RBM33: variants seen among roughly 807,000 people sequenced by gnomAD.
RBM33 encodes RNA binding motif protein 33, also known as RNA-binding protein 33.
A neutral mutation model predicts 132.6 loss-of-function variants in RBM33; 28 were observed. The observed-to-expected ratio is 0.21, with a 90% CI of 0.16 to 0.29. The LOEUF (loss-of-function observed/expected upper bound fraction) is 0.29, where lower values mean the gene tolerates loss of function less well. Among genes scored for constraint, RBM33 ranks in the 10% least tolerant of loss-of-function variants. The pLI is 1.00. For missense variants in RBM33, 1,291 were observed against 1,518.5 expected, an observed-to-expected ratio of 0.85 and a Z score of 2.49; for synonymous variants, 634 against 593.0, an observed-to-expected ratio of 1.07 and a Z score of -1.01.
chr7:155,753,343 T>C (rs1325810499), intron 14 of RBM33, among the ~76,000 whole-genome samples: 2 of 152,248 alleles, frequency 1.3e-5, no homozygotes, highest in African/African-American at 2.4e-5. Flanking sequence ...TTGTGTTAAG[T>C]GGCAAATCTG....
chr7:155,704,284 A>G (rs1800050542), intron 6 of RBM33, among the ~76,000 whole-genome samples: 1 of 152,138 alleles, frequency 6.6e-6, no homozygotes, highest in Non-Finnish European at 1.5e-5. Flanking sequence ...TTTTTGCTCT[A>G]TCAGGATTGT....
At position 155,665,338 on chromosome 7, in the gene RBM33, G is replaced by A. The variant is rs534073446; in HGVS notation, c.122+85G>A. The A allele has an allele frequency of 1.3e-3, 1,528 of 1,205,802 alleles. 5 individuals are homozygous for A. The highest frequency in any genetic ancestry group is 1.7e-3 in the Non-Finnish European group (1,415 of 816,282). 74.7% of individuals were successfully genotyped at this position (1,205,802 alleles called of 1,614,324 possible). Reference sequence around the variant, plus strand: ...GGCTCCTGAGGGATCTTTACTGAACGCAGCACCTTGACTACCTGGCGCTCT... The same window carrying A: ...GGCTCCTGAGGGATCTTTACTGAACACAGCACCTTGACTACCTGGCGCTCT... On this transcript the variant is annotated intron_variant, in intron 2 of 17. Coordinates refer to ENST00000401878, the MANE Select transcript of RBM33 (RefSeq NM_053043.3).
intron 14 of RBM33, among the ~76,000 whole-genome samples, chr7:155,753,871 A>T (rs1370374316): frequency 6.6e-6 from 1 of 152,250 alleles, no homozygotes; most frequent in Non-Finnish European, 1.5e-5. Flanking sequence ...CCAACAGGCA[A>T]ATAGCAAAAG....
chr7:155,751,552 T>C (rs1457636616), intron 14 of RBM33, among the ~76,000 whole-genome samples: 1 of 152,236 alleles, frequency 6.6e-6, no homozygotes, highest in Admixed American at 6.5e-5. Flanking sequence ...CTTGACCTTT[T>C]GAAAGAGCAG....
intron 13 of RBM33, among the ~76,000 whole-genome samples, chr7:155,742,946 G>T (rs1801398082): frequency 6.6e-6 from 1 of 152,188 alleles, no homozygotes; most frequent in South Asian, 2.1e-4. Flanking sequence ...GAGTTAACTT[G>T]TCCAATAGCA....
chr7:155,656,030 A>T (rs1474755377), intron 1 of RBM33, among the ~76,000 whole-genome samples: 4 of 152,254 alleles, frequency 2.6e-5, no homozygotes, highest in Non-Finnish European at 5.9e-5. Flanking sequence ...TGCTTGGCGG[A>T]TACATTCTTG....
At chr7:155,770,592 A>G (rs1585553371) in intron 16 of RBM33, among the ~76,000 whole-genome samples, 1 of 137,036 alleles carries the variant, frequency 7.3e-6, no homozygotes, top group Non-Finnish European at 1.6e-5. Flanking sequence ...AGCAGCTGAT[A>G]CCTTTTTTTT....
At chr7:155,696,675 A>T (rs1169264835) in intron 5 of RBM33, among the ~76,000 whole-genome samples, 1 of 151,996 alleles carries the variant, frequency 6.6e-6, no homozygotes, top group Non-Finnish European at 1.5e-5. Context: ...TTTATTCCTT[A>T]TTGTGAATTA....
intron 5 of RBM33, among the ~76,000 whole-genome samples, chr7:155,690,973 T>G (rs556874967): frequency 6.6e-6 from 1 of 152,286 alleles, no homozygotes; most frequent in African/African-American, 2.4e-5. Flanking sequence ...GAGGTGTATC[T>G]TTGTGGCATT....
At chr7:155,716,316 G>GTTTTTTTTTTTT (rs59289310) in intron 8 of RBM33, among the ~76,000 whole-genome samples, 3,267 of 101,982 alleles carry the variant, frequency 0.032, 290 homozygotes, top group African/African-American at 0.035. Flanking sequence ...CTTTTCTGCT[G>GTTTTTTTTTTTT]TTTTTTTTTT....
rs2117092340 is a variant in RBM33 at position 155,776,908 on chromosome 7, CGTTGGAGTG to C, written c.*1870_*1878del. ...GTTTATTTGGCTCAGTCCACAGCTG[CGTTGGAGTG>C]GTGACTTTGGTAGCCCTTGAGCTCT... On this transcript the variant is annotated 3_prime_UTR_variant, in exon 18 of 18. Transcript: ENST00000401878. This position sits in a 1 kb window ranked among gnomAD's most constrained non-coding sequence, Gnocchi z 4.0. The C allele has an allele frequency of 6.6e-6, 1 of 152,296 alleles. No individual in the cohort carries two copies. The highest frequency in any genetic ancestry group is 2.1e-4 in the South Asian group (1 of 4,824). 9.4% of individuals were successfully genotyped at this position (152,296 alleles called of 1,614,324 possible).
intron 10 of RBM33, 110 bp from the exon 11 acceptor site, chr7:155,737,950 C>CTG (rs1801183133): frequency 4.0e-6 from 4 of 994,666 alleles, no homozygotes; most frequent in Admixed American, 2.4e-5. Context: ...CATTCATAAC[C>CTG]TGTCAACACT....
chr7:155,733,393 T>C (rs1323358499), intron 9 of RBM33, among the ~76,000 whole-genome samples: 8 of 152,254 alleles, frequency 5.3e-5, no homozygotes, highest in Admixed American at 5.2e-4. Flanking sequence ...TTGGTTTTCT[T>C]GAATATTGAA....
At chr7:155,647,500 GGCTAATTGCA>G (rs1798232810) in intron 1 of RBM33, among the ~76,000 whole-genome samples, 1 of 152,002 alleles carries the variant, frequency 6.6e-6, no homozygotes, top group African/African-American at 2.4e-5. Context: ...GTATAATCAT[GGCTAATTGCA>G]GCCTTGGACT....
intron 7 of RBM33, among the ~76,000 whole-genome samples, chr7:155,709,457 C>T (rs574620465): frequency 1.3e-5 from 2 of 152,288 alleles, no homozygotes; most frequent in East Asian, 3.9e-4. Context: ...CTTGCTGTCA[C>T]CTACTGTTTC....
intron 1 of RBM33, among the ~76,000 whole-genome samples, chr7:155,654,811 C>G (rs1257036735): frequency 6.6e-6 from 1 of 152,150 alleles, no homozygotes; most frequent in African/African-American, 2.4e-5. Context: ...CTTAATACTT[C>G]ATTAAAAATT....
Position 155,724,988 on chromosome 7 carries a change from G to GTTTT in RBM33, c.1260+6548_1260+6549insTTTT, listed in dbSNP as rs148975210. ...AGTTGCTGTAAACATTTGTGTACAG[G>GTTTT]TTTGTGTGTGTGTGTGTGTGTGTGT... On this transcript the variant is annotated intron_variant, in intron 9 of 17. Transcript: ENST00000401878. Among the ~76,000 whole-genome samples the GTTTT allele has an allele frequency of 3.5e-3, 405 of 117,214 alleles. 8 individuals carry two copies. Among genetic ancestry groups the GTTTT allele is most frequent in the African/African-American group, 0.016 (390 of 24,274 alleles). The allele number at this position is 117,214 out of a possible 152,430, so 76.9% of individuals were successfully genotyped here.
At chr7:155,699,991 C>T (rs1799912277) in intron 5 of RBM33, among the ~76,000 whole-genome samples, 1 of 152,152 alleles carries the variant, frequency 6.6e-6, no homozygotes. Context: ...AGAGACTGAT[C>T]TGAGGTGAGA....
Position 155,775,237 on chromosome 7 carries a change from T to C in RBM33, c.*196T>C. 4.3e-6 allele frequency: 3 copies of C among 692,504 alleles called. No individual in the cohort carries two copies. The highest frequency in any genetic ancestry group is 2.7e-5 in the East Asian group (1 of 36,868). The allele number at this position is 692,504 out of a possible 1,614,324, so 42.9% of individuals were successfully genotyped here. A position where few individuals can be genotyped will look rare whatever the true frequency, so the allele number is the denominator to read the frequency against. ...ACTGACAGGACACAGCAGGCTGGAG[T>C]TGGTGTTAGATTGCTTCACATTCTC... On this transcript the variant is annotated 3_prime_UTR_variant, in exon 18 of 18. Transcript: ENST00000401878.
Sources: allele counts gnomAD v4.1 joint callset (sites outside exome capture counted in the v4.1 genomes callset), GRCh38; gene constraint gnomAD v4.1.1; non-coding constraint Gnocchi (gnomAD v3.1); transcripts MANE v1.5; gene names NCBI Gene and HGNC (gene_info 2026-07-23, HGNC 2026-07-21).